Variants in BRINP2 observed in about 807,000 individuals in gnomAD.
BRINP2 encodes BMP/retinoic acid inducible neural specific 2.
Under a neutral mutation model 69.2 loss-of-function variants are expected in BRINP2, and 21 were observed. The ratio of observed to expected loss-of-function variants is 0.30; its 90% CI spans 0.22 to 0.44. The LOEUF (loss-of-function observed/expected upper bound fraction) is 0.44, where lower values mean the gene tolerates loss of function less well. BRINP2 is among the 20% of genes least tolerant of loss of function. BRINP2 has a pLI of 1.00. For synonymous variants in BRINP2, 380 were observed against 394.1 expected (o/e 0.96, Z 0.42); for missense variants, 877 against 986.0 (o/e 0.89, Z 1.48).
chr1:177,240,975 A>AT (rs111255733), intron 2 of BRINP2, among the ~76,000 whole-genome samples: 176 of 144,800 alleles, frequency 1.2e-3, no homozygotes, highest in Middle Eastern at 3.6e-3. Context: ...TGGAGCCAAT[A>AT]TTTTTTTTTT....
chr1:177,276,466 G>C (rs757687604), intron 6 of BRINP2, 32 bp downstream of exon 6: 1 of 1,596,066 alleles, frequency 6.3e-7, no homozygotes, highest in Non-Finnish European at 8.6e-7. Flanking sequence ...CTGTCAATGA[G>C]AGGTGGCTGT....
At chr1:177,248,968 T>C (rs1293347) in intron 2 of BRINP2, among the ~76,000 whole-genome samples, 135,011 of 152,058 alleles carry the variant, frequency 0.89, 60,222 homozygotes, top group African/African-American at 0.97. Flanking sequence ...TTCAACTCTC[T>C]TATTGCAGGG....
At chr1:177,245,164 T>C (rs1316281562) in intron 2 of BRINP2, among the ~76,000 whole-genome samples, 1 of 152,066 alleles carries the variant, frequency 6.6e-6, no homozygotes, top group Non-Finnish European at 1.5e-5. Context: ...ATGGTCATAG[T>C]GATGGTGATA....
At chr1:177,264,457 G>A (rs1326916179) in intron 4 of BRINP2, among the ~76,000 whole-genome samples, 3 of 152,162 alleles carry the variant, frequency 2.0e-5, no homozygotes, top group African/African-American at 7.2e-5. Context: ...GTTCTGGCCA[G>A]GGCAATAAGG....
chr1:177,193,906 G>C (rs2102298550), intron 1 of BRINP2, among the ~76,000 whole-genome samples: 1 of 152,286 alleles, frequency 6.6e-6, no homozygotes, highest in South Asian at 2.1e-4. Context: ...CAAAACTTCA[G>C]GGGAATAACT....
chr1:177,228,742 A>G (rs906297378), intron 1 of BRINP2, among the ~76,000 whole-genome samples: 1 of 152,224 alleles, frequency 6.6e-6, no homozygotes, highest in African/African-American at 2.4e-5. Flanking sequence ...CACAATTCCA[A>G]GAAGCCCCAC....
chr1:177,257,386 T>TA lies in BRINP2; in HGVS notation c.669+4dup, dbSNP rs1301670428. The TA allele has an allele frequency of 6.2e-7, 1 of 1,605,904 alleles. No individual in the cohort carries two copies. Among genetic ancestry groups the TA allele is most frequent in the Admixed American group, 1.7e-5 (1 of 59,556 alleles). On this transcript the variant is annotated splice_region_variant and intron_variant, in intron 4 of 7. Coordinates refer to ENST00000361539, the MANE Select transcript of BRINP2 (RefSeq NM_021165.4). ...CAGATAGCCACGGGGGCCATCAAGG[T>TA]AATGACCTGAGAGGTACAGGGAAGG...
intron 1 of BRINP2, among the ~76,000 whole-genome samples, chr1:177,205,281 C>T (rs969500774): frequency 2.0e-5 from 3 of 152,074 alleles, no homozygotes; most frequent in African/African-American, 7.2e-5. Context: ...GTTGGGATTA[C>T]AGGCACCCAC....
intron 2 of BRINP2, among the ~76,000 whole-genome samples, chr1:177,231,280 G>A (rs1304641634): frequency 6.6e-6 from 1 of 152,230 alleles, no homozygotes; most frequent in Admixed American, 6.5e-5. Context: ...CACAAAGCTA[G>A]TGAATAGTGG....
Position 177,235,181 on chromosome 1 carries a change from GA to G in BRINP2, c.269+5038del, listed in dbSNP as rs369104299. Among the ~76,000 whole-genome samples, 101 of 152,194 alleles carry G rather than the reference GA, an allele frequency of 6.6e-4. 1 individual carries two copies. The highest frequency in any genetic ancestry group is 2.3e-3 in the African/African-American group (94 of 41,538). ...CGTCAGGCCTCTCCCCAGACCTAAG[GA>G]ATGAAAATCTGCATTTTAACAGGAT... is the stretch of plus-strand genomic sequence containing the variant. On this transcript the variant is annotated intron_variant, in intron 2 of 7. Coordinates refer to ENST00000361539, the MANE Select transcript of BRINP2 (RefSeq NM_021165.4).
intron 2 of BRINP2, among the ~76,000 whole-genome samples, chr1:177,244,935 C>A (rs559864491): frequency 2.6e-4 from 40 of 152,190 alleles, no homozygotes; most frequent in Non-Finnish European, 5.0e-4. Flanking sequence ...AGTCACAAAG[C>A]CAAACCCAAT....
intron 4 of BRINP2, among the ~76,000 whole-genome samples, chr1:177,262,555 T>C (rs1272438495): frequency 6.7e-6 from 1 of 150,342 alleles, no homozygotes; most frequent in Non-Finnish European, 1.5e-5. Flanking sequence ...AGTGATGATG[T>C]AGGAGAGACA....
intron 1 of BRINP2, among the ~76,000 whole-genome samples, chr1:177,213,887 TA>T (rs1304839255): frequency 5.9e-5 from 9 of 152,378 alleles, no homozygotes; most frequent in African/African-American, 9.6e-5. Flanking sequence ...AATGAGTAGA[TA>T]TTTTTTTAAC....
intron 1 of BRINP2, among the ~76,000 whole-genome samples, chr1:177,173,714 T>C (rs955838976): frequency 2.0e-5 from 3 of 152,182 alleles, no homozygotes; most frequent in East Asian, 3.9e-4. Flanking sequence ...AACAACCCTG[T>C]GTCATCACCT....
At chr1:177,277,283 A>G (rs1405844999) in intron 6 of BRINP2, among the ~76,000 whole-genome samples, 1 of 152,006 alleles carries the variant, frequency 6.6e-6, no homozygotes, top group Admixed American at 6.6e-5. Flanking sequence ...ATGGATAACT[A>G]CATTTGTTGA....
intron 1 of BRINP2, among the ~76,000 whole-genome samples, chr1:177,214,974 T>C (rs1220803242): frequency 6.6e-6 from 1 of 152,190 alleles, no homozygotes; most frequent in Non-Finnish European, 1.5e-5. Flanking sequence ...TTAGCTATAT[T>C]TAGCACACTG....
chr1:177,187,156 A>G (rs373039719), intron 1 of BRINP2, among the ~76,000 whole-genome samples: 1 of 152,206 alleles, frequency 6.6e-6, no homozygotes, highest in African/African-American at 2.4e-5. Flanking sequence ...CAGCCTTCCC[A>G]GTGCCTTTTC....
chr1:177,182,643 G>T (rs1259253906), intron 1 of BRINP2, among the ~76,000 whole-genome samples: 1 of 152,192 alleles, frequency 6.6e-6, no homozygotes, highest in African/African-American at 2.4e-5. Flanking sequence ...CATGTCTTTA[G>T]AAGTTTCGAT....
intron 2 of BRINP2, among the ~76,000 whole-genome samples, chr1:177,241,306 T>C (rs1191017613): frequency 6.6e-6 from 1 of 152,158 alleles, no homozygotes; most frequent in Non-Finnish European, 1.5e-5. Context: ...GCCTAAAACA[T>C]TATGAAGATC....
Sources: allele counts gnomAD v4.1 joint callset (sites outside exome capture counted in the v4.1 genomes callset), GRCh38; gene constraint gnomAD v4.1.1; transcripts MANE v1.5; gene names NCBI Gene and HGNC (gene_info 2026-07-23, HGNC 2026-07-21).